Variants in CLSTN2 observed in about 807,000 individuals in gnomAD.
CLSTN2 encodes calsyntenin 2.
Under a neutral mutation model 101.2 loss-of-function variants are expected in CLSTN2, and 48 were observed. The observed-to-expected ratio is 0.47, with a 90% confidence interval of 0.38 to 0.60. The LOEUF (loss-of-function observed/expected upper bound fraction) is 0.60, where lower values mean the gene tolerates loss of function less well. CLSTN2 is among the 20% of genes least tolerant of loss of function. The probability of loss-of-function intolerance (pLI) is 0.00; values close to 1 mark genes in which losing one functional copy is unlikely to be tolerated. For synonymous variants in CLSTN2, 481 were observed against 463.6 expected (o/e 1.04, Z -0.48); for missense variants, 1,160 against 1,238.2 (o/e 0.94, Z 0.95).
chr3:140,406,041 A>G (rs775162508), intron 4 of CLSTN2, among the ~76,000 whole-genome samples: 6 of 152,226 alleles, frequency 3.9e-5, no homozygotes, highest in Non-Finnish European at 7.3e-5. Context: ...AGAAAAAAAT[A>G]GAAAATCCAG....
chr3:140,458,590 T>A (rs1933475342), intron 6 of CLSTN2, among the ~76,000 whole-genome samples: 1 of 152,062 alleles, frequency 6.6e-6, no homozygotes, highest in South Asian at 2.1e-4. Context: ...AGCACCCCCC[T>A]CCACAAAGTT....
At chr3:140,359,545 T>G (rs2087706021) in intron 2 of CLSTN2, among the ~76,000 whole-genome samples, 1 of 152,212 alleles carries the variant, frequency 6.6e-6, no homozygotes, top group Non-Finnish European at 1.5e-5. Context: ...GTTGTAATTG[T>G]TTATAATAAC....
At chr3:140,082,149 A>G (rs2008609084) in intron 1 of CLSTN2, among the ~76,000 whole-genome samples, 1 of 152,166 alleles carries the variant, frequency 6.6e-6, no homozygotes, top group Non-Finnish European at 1.5e-5. Flanking sequence ...ACTGTCATAA[A>G]TATTGTTCTG....
chr3:139,972,848 T>C (rs536552906), intron 1 of CLSTN2, among the ~76,000 whole-genome samples: 1 of 152,314 alleles, frequency 6.6e-6, no homozygotes, highest in South Asian at 2.1e-4. Context: ...TCAGTAGTAG[T>C]ATTACATGAC....
At chr3:140,356,619 G>A (rs889592874) in intron 2 of CLSTN2, among the ~76,000 whole-genome samples, 5 of 151,884 alleles carry the variant, frequency 3.3e-5, no homozygotes, top group African/African-American at 7.3e-5. Flanking sequence ...TTAGCCGAGT[G>A]TGGTGACGCA....
At chr3:140,060,602 G>T (rs1014716828) in intron 1 of CLSTN2, among the ~76,000 whole-genome samples, 1 of 152,180 alleles carries the variant, frequency 6.6e-6, no homozygotes, top group Non-Finnish European at 1.5e-5. Flanking sequence ...ATTGTCATCA[G>T]AGCCCAGTGG....
intron 2 of CLSTN2, among the ~76,000 whole-genome samples, chr3:140,199,452 A>T (rs2010690796): frequency 6.6e-6 from 1 of 152,078 alleles, no homozygotes; most frequent in South Asian, 2.1e-4. Flanking sequence ...TTGGTTTGAA[A>T]CCTAGTAGGC....
At chr3:139,942,338 C>A (rs540392095) in intron 1 of CLSTN2, among the ~76,000 whole-genome samples, 1 of 152,282 alleles carries the variant, frequency 6.6e-6, no homozygotes, top group Non-Finnish European at 1.5e-5. Flanking sequence ...GAGGAGGCAG[C>A]CTTCTGCACT....
intron 5 of CLSTN2, among the ~76,000 whole-genome samples, chr3:140,446,229 A>T (rs73228999): frequency 6.6e-6 from 1 of 152,162 alleles, no homozygotes; most frequent in East Asian, 1.9e-4. Flanking sequence ...CAGCAACTTC[A>T]TGATCTCATC....
chr3:140,140,177 C>T (rs565971538), intron 1 of CLSTN2, among the ~76,000 whole-genome samples: 1 of 152,104 alleles, frequency 6.6e-6, no homozygotes, highest in Non-Finnish European at 1.5e-5. Flanking sequence ...CGTTTGAGAA[C>T]CTCTGTCTAG....
intron 1 of CLSTN2, among the ~76,000 whole-genome samples, chr3:140,001,059 T>A (rs1248263615): frequency 6.6e-6 from 1 of 152,210 alleles, no homozygotes; most frequent in Non-Finnish European, 1.5e-5. Flanking sequence ...CAGTGTTGAC[T>A]TATTTGTTCC....
At chr3:140,528,304 A>G (rs1935184717) in intron 8 of CLSTN2, among the ~76,000 whole-genome samples, 1 of 152,062 alleles carries the variant, frequency 6.6e-6, no homozygotes. Context: ...TGCCTACAGA[A>G]TAAAAGCAAT....
chr3:140,223,938 G>A (rs149693670), intron 2 of CLSTN2, among the ~76,000 whole-genome samples: 204 of 152,154 alleles, frequency 1.3e-3, no homozygotes, highest in African/African-American at 4.1e-3. Flanking sequence ...AGTGTGTGCC[G>A]TCCTCTGTAG....
chr3:140,084,092 A>G (rs979107515), intron 1 of CLSTN2, among the ~76,000 whole-genome samples: 1 of 152,212 alleles, frequency 6.6e-6, no homozygotes, highest in African/African-American at 2.4e-5. Context: ...ATGATGCTGC[A>G]TATAACCCTA....
At chr3:139,976,379 G>A (rs958061312) in intron 1 of CLSTN2, among the ~76,000 whole-genome samples, 6 of 152,246 alleles carry the variant, frequency 3.9e-5, no homozygotes, top group Non-Finnish European at 8.8e-5. Context: ...TAAGGAAGCA[G>A]CATCTGTGTG....
At chr3:140,527,730 T>C (rs983865132) in intron 8 of CLSTN2, among the ~76,000 whole-genome samples, 1 of 152,182 alleles carries the variant, frequency 6.6e-6, no homozygotes, top group South Asian at 2.1e-4. Flanking sequence ...TGGAATACTA[T>C]GCAGCCATAA....
chr3:140,029,689 A>G (rs1388320250), intron 1 of CLSTN2, among the ~76,000 whole-genome samples: 2 of 152,244 alleles, frequency 1.3e-5, no homozygotes, highest in Non-Finnish European at 2.9e-5. Context: ...ATGCTTATAC[A>G]GCAGGTGTCT....
At chr3:140,093,590 C>T (rs1196783320) in intron 1 of CLSTN2, among the ~76,000 whole-genome samples, 1 of 152,128 alleles carries the variant, frequency 6.6e-6, no homozygotes, top group Non-Finnish European at 1.5e-5. Context: ...TCTGCCTGAG[C>T]ATTCACTGTT....
intron 8 of CLSTN2, among the ~76,000 whole-genome samples, chr3:140,473,509 G>A (rs1453369785): frequency 1.3e-5 from 2 of 152,108 alleles, no homozygotes; most frequent in Non-Finnish European, 2.9e-5. Flanking sequence ...GAGGCAAGAG[G>A]GTAAGAGCCA....
Sources: allele counts gnomAD v4.1 joint callset (sites outside exome capture counted in the v4.1 genomes callset), GRCh38; gene constraint gnomAD v4.1.1; transcripts MANE v1.5; gene names NCBI Gene and HGNC (gene_info 2026-07-23, HGNC 2026-07-21).